Variants in ANK3 observed in about 807,000 individuals in gnomAD.
The protein encoded by ANK3 is ankyrin-3.
ANK3 carries 57 observed loss-of-function variants against 370.9 expected under a neutral mutation model. The ratio of observed to expected loss-of-function variants is 0.15; its 90% CI spans 0.12 to 0.19. ANK3 has a LOEUF of 0.19. Ranked by LOEUF, ANK3 falls within the 10% of genes least tolerant of loss-of-function variation. The pLI, the probability that ANK3 is intolerant of heterozygous loss-of-function variation, is 1.00. For synonymous variants in ANK3, 1,929 were observed against 1,946.3 expected (o/e 0.99, Z 0.23); for missense variants, 4,439 against 5,302.1 (o/e 0.84, Z 5.06).
At chr10:60,379,070 C>T (rs1757484526) in intron 1 of ANK3, among the ~76,000 whole-genome samples, 1 of 151,864 alleles carries the variant, frequency 6.6e-6, no homozygotes. Context: ...AGACATTTCT[C>T]AAAAGAAAAC....
chr10:60,146,845 T>C lies in ANK3; in HGVS notation c.2615-7758A>G, dbSNP rs139524227. 1.9e-3 allele frequency among the ~76,000 whole-genome samples: 284 copies of C among 152,304 alleles called. 4 individuals are homozygous for C. The highest frequency in any genetic ancestry group is 6.5e-3 in the African/African-American group (269 of 41,566). On this transcript the variant is annotated intron_variant, in intron 23 of 43. Coordinates refer to ENST00000280772, the MANE Select transcript of ANK3 (RefSeq NM_020987.5). ...AGCCTAGAGAATCCAAATGACATAT[T>C]TGCTCACATTACTTTTCCCTTGATC...
intron 2 of ANK3, among the ~76,000 whole-genome samples, chr10:60,552,519 T>C (rs2077110580): frequency 6.6e-6 from 1 of 152,228 alleles, no homozygotes; most frequent in Non-Finnish European, 1.5e-5. Context: ...ACCTTGTGAA[T>C]TTGGTATTGC....
chr10:60,414,961 C>A (rs2063630808), intron 2 of ANK3, among the ~76,000 whole-genome samples: 1 of 152,324 alleles, frequency 6.6e-6, no homozygotes, highest in Non-Finnish European at 1.5e-5. Flanking sequence ...ACTGTGAGAA[C>A]AGAGTCGAGG....
intron 2 of ANK3, among the ~76,000 whole-genome samples, chr10:60,495,981 CTTT>C (rs68150962): frequency 6.8e-6 from 1 of 147,590 alleles, no homozygotes; most frequent in African/African-American, 2.5e-5. Flanking sequence ...TTTCATTTTT[CTTT>C]TTTTTTTTTC....
chr10:60,713,019 G>A (rs1294951623), intron 1 of ANK3, among the ~76,000 whole-genome samples: 5 of 152,118 alleles, frequency 3.3e-5, no homozygotes, highest in Admixed American at 1.3e-4. Context: ...TGGAGACTTC[G>A]ACACCTTTTT....
At chr10:60,447,435 A>C (rs1218847163) in intron 2 of ANK3, among the ~76,000 whole-genome samples, 1 of 152,068 alleles carries the variant, frequency 6.6e-6, no homozygotes, top group Non-Finnish European at 1.5e-5. Flanking sequence ...AGGACACTAA[A>C]GTTTTTGTTT....
chr10:60,523,161 T>C (rs1365409162), intron 2 of ANK3, among the ~76,000 whole-genome samples: 1 of 152,102 alleles, frequency 6.6e-6, no homozygotes, highest in African/African-American at 2.4e-5. Context: ...AGAAGTAGAT[T>C]TGTGCCAAAG....
At chr10:60,180,450 G>A (rs2096126391) in intron 18 of ANK3, among the ~76,000 whole-genome samples, 1 of 149,390 alleles carries the variant, frequency 6.7e-6, no homozygotes. Flanking sequence ...ACAAAAATTA[G>A]TTGGGCATGG....
chr10:60,328,555 C>T (rs537423121), intron 1 of ANK3, among the ~76,000 whole-genome samples: 3 of 152,206 alleles, frequency 2.0e-5, no homozygotes, highest in African/African-American at 7.2e-5. Flanking sequence ...TGGATAAATT[C>T]CTGGACACAT....
At chr10:60,134,564 G>C (rs1354523804) in intron 24 of ANK3, among the ~76,000 whole-genome samples, 191 bp from the exon 25 acceptor site, 1 of 152,206 alleles carries the variant, frequency 6.6e-6, no homozygotes, top group Non-Finnish European at 1.5e-5. Flanking sequence ...ACAACCTTAT[G>C]ATTAGAATTT....
intron 35 of ANK3, chr10:60,081,759 G>A (rs1270904599): frequency 2.5e-5 from 7 of 279,088 alleles, no homozygotes; most frequent in Non-Finnish European, 4.2e-5. Context: ...CGAAGGTAGT[G>A]CGTTATCTCA....
intron 22 of ANK3, 47 bp downstream of exon 22, chr10:60,166,777 T>C (rs1407742360): frequency 3.8e-6 from 6 of 1,599,760 alleles, no homozygotes; most frequent in Non-Finnish European, 4.3e-6. Context: ...ACAAACAAAA[T>C]ACACAGTCAC....
rs1264572245 is a variant in ANK3 at position 60,074,188 on chromosome 10, A to G, written c.6693T>C (p.Asn2231=). ...MKASSEEDDH[N]RVLSKGMRVK... ...CACGCATGCCTTTGCTTAAAACCCG[A>G]TTGTGGTCATCTTCTTCACTACTGG... is the stretch of plus-strand genomic sequence containing the variant. The change falls in exon 37 of 44, where the codon AAT becomes AAC. Residue 2231 remains asparagine (N), a synonymous_variant. Transcript: ENST00000280772. 1 of 1,613,942 alleles carries G rather than the reference A, an allele frequency of 6.2e-7. No individual in the cohort carries two copies. Among genetic ancestry groups the G allele is most frequent in the Non-Finnish European group, 8.5e-7 (1 of 1,179,990 alleles).
intron 1 of ANK3, among the ~76,000 whole-genome samples, chr10:60,346,081 A>G (rs1257327702): frequency 6.6e-6 from 1 of 152,078 alleles, no homozygotes; most frequent in East Asian, 1.9e-4. Context: ...CAATGAAGCT[A>G]AGTTCCTTCC....
chr10:60,030,383 C>T (rs77333390), intron 43 of ANK3, among the ~76,000 whole-genome samples: 156 of 152,204 alleles, frequency 1.0e-3, no homozygotes, highest in Admixed American at 1.8e-3. Flanking sequence ...ACCTCGTGAG[C>T]CGCCCACCTT....
chr10:60,548,368 T>A (rs11815752), intron 2 of ANK3, among the ~76,000 whole-genome samples: 1 of 151,856 alleles, frequency 6.6e-6, no homozygotes, highest in African/African-American at 2.4e-5. Context: ...CCCACCACCA[T>A]GTGCAGCTAT....
chr10:60,324,727 C>T (rs1317065824), intron 1 of ANK3, among the ~76,000 whole-genome samples: 1 of 152,148 alleles, frequency 6.6e-6, no homozygotes, highest in Non-Finnish European at 1.5e-5. Flanking sequence ...CCTACTCTCA[C>T]AATTCTAGAA....
intron 2 of ANK3, among the ~76,000 whole-genome samples, chr10:60,547,106 T>TC: frequency 6.6e-6 from 1 of 150,686 alleles, no homozygotes; most frequent in Non-Finnish European, 1.5e-5. Flanking sequence ...TTTTTTTTTT[T>TC]TTGAGAAGGA....
At chr10:60,494,849 T>C (rs533328347) in intron 2 of ANK3, among the ~76,000 whole-genome samples, 7 of 152,318 alleles carry the variant, frequency 4.6e-5, no homozygotes, top group African/African-American at 1.7e-4. Context: ...TGTAAATATA[T>C]ACTTATAGAT....
Sources: gnomAD v4.1 joint callset for allele counts (sites outside exome capture counted in the v4.1 genomes callset) on GRCh38, gnomAD v4.1.1 for gene constraint, MANE v1.5 for transcripts, NCBI Gene and HGNC (gene_info 2026-07-23, HGNC 2026-07-21) for gene names.